The following BCAS4 variants were observed in gnomAD, a reference collection of about 807,000 sequenced individuals.
BCAS4 encodes breast carcinoma-amplified sequence 4.
Under a neutral mutation model 15.7 loss-of-function variants are expected in BCAS4, and 9 were observed. That is an observed-to-expected ratio of 0.57 (90% CI 0.34 to 1.00). The LOEUF is 1.00. Among genes scored for constraint, BCAS4 ranks in the 50% least tolerant of loss-of-function variants. The pLI, the probability that BCAS4 is intolerant of heterozygous loss-of-function variation, is 0.02. For synonymous variants in BCAS4, 101 were observed against 99.5 expected, an observed-to-expected ratio of 1.02 and a Z score of -0.09; for missense variants, 225 against 239.1, an observed-to-expected ratio of 0.94 and a Z score of 0.39.
chr20:50,870,686 A>G (rs943503621), intron 4 of BCAS4, among the ~76,000 whole-genome samples: 11 of 152,368 alleles, frequency 7.2e-5, no homozygotes, highest in African/African-American at 2.6e-4. Context: ...TTTTCACGGG[A>G]AATCTGATTT....
intron 1 of BCAS4, among the ~76,000 whole-genome samples, chr20:50,803,012 C>T (rs1206308158): frequency 1.3e-5 from 2 of 152,216 alleles, no homozygotes; most frequent in African/African-American, 4.8e-5. Context: ...AAAACCCAGT[C>T]TCTACAAAAA....
intron 4 of BCAS4, among the ~76,000 whole-genome samples, chr20:50,861,322 G>A (rs1329779301): frequency 2.6e-5 from 4 of 152,320 alleles, no homozygotes; most frequent in South Asian, 4.1e-4. Flanking sequence ...AAGCAGGCTC[G>A]GGATCTCATT....
chr20:50,819,946 G>A (rs966321068), intron 2 of BCAS4, among the ~76,000 whole-genome samples: 1 of 152,090 alleles, frequency 6.6e-6, no homozygotes, highest in Non-Finnish European at 1.5e-5. Context: ...TGCCTCCCGG[G>A]TTCAAGTGAT....
chr20:50,865,853 A>G (rs1979329649), intron 4 of BCAS4, among the ~76,000 whole-genome samples: 1 of 152,092 alleles, frequency 6.6e-6, no homozygotes, highest in Non-Finnish European at 1.5e-5. Context: ...GGCTGCCCAC[A>G]GAGAAATGGG....
At chr20:50,865,141 G>C (rs2123842067) in intron 4 of BCAS4, among the ~76,000 whole-genome samples, 1 of 152,274 alleles carries the variant, frequency 6.6e-6, no homozygotes, top group East Asian at 1.9e-4. Flanking sequence ...TGTCTATGGT[G>C]ATGAGACACT....
intron 4 of BCAS4, among the ~76,000 whole-genome samples, chr20:50,852,570 T>G (rs554741659): frequency 6.6e-6 from 1 of 151,540 alleles, no homozygotes; most frequent in East Asian, 1.9e-4. Context: ...TTAGTAGAGA[T>G]GAGGTTTTGC....
rs147119996 is a variant in BCAS4, at chr20:50,817,542, A to G, written c.91-669A>G. Among the ~76,000 whole-genome samples, 470 of 152,186 alleles carry G rather than the reference A, an allele frequency of 3.1e-3. 3 individuals carry two copies. Among genetic ancestry groups the G allele is most frequent in the African/African-American group, 7.0e-3 (292 of 41,514 alleles). ...CAGTGGTGCAATCTTGGCTCACTGC[A>G]GCCTCCGCCTCCTAGGTTCAAGCGA... On this transcript the variant is annotated intron_variant, in intron 1 of 4. Transcript: ENST00000371608.
At chr20:50,830,474 G>C (rs2088331004) in intron 3 of BCAS4, 94 bp downstream of exon 3, 1 of 999,534 alleles carries the variant, frequency 1.0e-6, no homozygotes, top group Non-Finnish European at 1.5e-6. Flanking sequence ...AGCATGTCAG[G>C]CATTATGCCC....
chr20:50,801,266 A>C (rs1331602264), intron 1 of BCAS4, among the ~76,000 whole-genome samples: 1 of 152,094 alleles, frequency 6.6e-6, no homozygotes, highest in Non-Finnish European at 1.5e-5. Flanking sequence ...GTCTCTACTA[A>C]AAATACAAAA....
chr20:50,864,439 A>T (rs6020803), intron 4 of BCAS4, among the ~76,000 whole-genome samples: 4,492 of 97,862 alleles, frequency 0.046, 344 homozygotes, highest in African/African-American at 0.18. Context: ...ATCATGATTG[A>T]TTTTTTTTTT....
intron 4 of BCAS4, among the ~76,000 whole-genome samples, chr20:50,850,485 A>G (rs1193737285): frequency 1.3e-5 from 2 of 152,208 alleles, no homozygotes; most frequent in South Asian, 4.1e-4. Context: ...TTCTGCCTCA[A>G]CCACACTTGC....
intron 3 of BCAS4, among the ~76,000 whole-genome samples, chr20:50,838,503 A>T (rs2088437571): frequency 6.6e-6 from 1 of 152,198 alleles, no homozygotes; most frequent in Admixed American, 6.5e-5. Flanking sequence ...TGGGATCGGG[A>T]GTTCGAGGCC....
intron 1 of BCAS4, among the ~76,000 whole-genome samples, chr20:50,802,136 G>A (rs1011069745): frequency 2.0e-5 from 3 of 152,054 alleles, no homozygotes; most frequent in African/African-American, 7.2e-5. Context: ...GAAGTTTGAG[G>A]TTGCAGTGAG....
In BCAS4 at chr20:50,795,137, G is replaced by A; in HGVS notation, c.54G>A (p.Glu18=). ...QPEPMRSGAR[E]LALFLTPEPG... is the part of the protein sequence containing the mutation. ...AGCCCATGCGCAGCGGGGCGCGCGA[G>A]CTCGCGCTCTTCCTGACCCCCGAGC... The change falls in exon 1 of 5, where the codon GAG becomes GAA. Residue 18 remains glutamate, a synonymous_variant. Coordinates refer to ENST00000371608, the MANE Select transcript of BCAS4 (RefSeq NM_198799.4). The A allele has an allele frequency of 6.8e-7, 1 of 1,475,408 alleles. No individual in the cohort carries two copies. Among genetic ancestry groups the A allele is most frequent in the Admixed American group, 2.1e-5 (1 of 46,744 alleles). The allele number at this position is 1,475,408 out of a possible 1,614,324, so 91.4% of individuals were successfully genotyped here.
At chr20:50,804,446 CT>C (rs1429716142) in intron 1 of BCAS4, among the ~76,000 whole-genome samples, 4 of 152,210 alleles carry the variant, frequency 2.6e-5, no homozygotes, top group African/African-American at 7.2e-5. Context: ...CTGAATGACA[CT>C]TTAGGTAACC....
chr20:50,847,396 G>T (rs1483746115), intron 4 of BCAS4, among the ~76,000 whole-genome samples: 1 of 152,132 alleles, frequency 6.6e-6, no homozygotes, highest in Non-Finnish European at 1.5e-5. Context: ...TGAAAAGCCA[G>T]CTTTGCTTGT....
intron 2 of BCAS4, among the ~76,000 whole-genome samples, chr20:50,828,741 T>C (rs1214651539): frequency 6.6e-6 from 1 of 152,178 alleles, no homozygotes; most frequent in Non-Finnish European, 1.5e-5. Context: ...ATTGTGCCAC[T>C]GCACTCCAGC....
At chr20:50,818,454 C>T (rs1284672631) in intron 2 of BCAS4, among the ~76,000 whole-genome samples, 172 bp downstream of exon 2, 1 of 152,194 alleles carries the variant, frequency 6.6e-6, no homozygotes, top group Admixed American at 6.5e-5. Context: ...CTCTCTCTCT[C>T]GCTCTCTCTC....
intron 4 of BCAS4, among the ~76,000 whole-genome samples, chr20:50,860,629 A>G (rs1979019637): frequency 6.6e-6 from 1 of 152,210 alleles, no homozygotes; most frequent in African/African-American, 2.4e-5. Flanking sequence ...TAATCCCAGC[A>G]CTTTGGGAGG....
Sources: gnomAD v4.1 joint callset for allele counts (sites outside exome capture counted in the v4.1 genomes callset) on GRCh38, gnomAD v4.1.1 for gene constraint, MANE v1.5 for transcripts, NCBI Gene and HGNC (gene_info 2026-07-23, HGNC 2026-07-21) for gene names.